Variants in TMC1 observed in about 807,000 individuals in gnomAD.
TMC1 encodes the protein transmembrane channel-like protein 1.
Under a neutral mutation model 105.8 loss-of-function variants are expected in TMC1, and 84 were observed. That is an observed-to-expected ratio of 0.79 (90% confidence interval 0.67 to 0.95). TMC1 has a LOEUF of 0.95. Among genes scored for constraint, TMC1 ranks in the 40% least tolerant of loss-of-function variants. TMC1 has a pLI of 0.00. For synonymous variants in TMC1, 315 were observed against 311.5 expected (o/e 1.01, Z -0.12); for missense variants, 817 against 914.1 (o/e 0.89, Z 1.37).
intron 3 of TMC1, among the ~76,000 whole-genome samples, chr9:72,627,338 G>C (rs1825365145): frequency 6.6e-6 from 1 of 152,122 alleles, no homozygotes; most frequent in Non-Finnish European, 1.5e-5. Context: ...GGAGGCTGGT[G>C]TGGGACCCTG....
At chr9:72,654,331 T>C (rs1293047312) in intron 5 of TMC1, among the ~76,000 whole-genome samples, 3 of 152,232 alleles carry the variant, frequency 2.0e-5, no homozygotes, top group Admixed American at 1.3e-4. Context: ...TGGTACTTCA[T>C]TGTAGTTTTA....
chr9:72,591,915 G>A (rs775611592), intron 2 of TMC1, among the ~76,000 whole-genome samples: 9 of 152,142 alleles, frequency 5.9e-5, no homozygotes, highest in Non-Finnish European at 1.3e-4. Context: ...TTAGTAGGTC[G>A]TGGATGGGGC....
chr9:72,672,647 T>C lies in TMC1; in HGVS notation c.17-16062T>C, dbSNP rs551720150. Among the ~76,000 whole-genome samples, 67 of 152,252 alleles carry C rather than the reference T, an allele frequency of 4.4e-4. 1 individual carries two copies. Among genetic ancestry groups the C allele is most frequent in the Middle Eastern group, 3.4e-3 (1 of 294 alleles). On this transcript the variant is annotated intron_variant, in intron 5 of 23. Coordinates refer to ENST00000297784, the MANE Select transcript of TMC1 (RefSeq NM_138691.3). ...AATTAGTCAGATTTCAGGACCTTTTTCTGAATAATTGATAGAATAAACAGA... is the reference window on the plus strand; with the variant it reads ...AATTAGTCAGATTTCAGGACCTTTTCCTGAATAATTGATAGAATAAACAGA...
At chr9:72,593,658 C>T (rs970928326) in intron 2 of TMC1, among the ~76,000 whole-genome samples, 1 of 151,550 alleles carries the variant, frequency 6.6e-6, no homozygotes, top group Non-Finnish European at 1.5e-5. Context: ...TCCCAAAGTG[C>T]TGGGATTACA....
At position 72,640,606 on chromosome 9, in the gene TMC1, A is replaced by C. The variant is rs1367922055; in HGVS notation, c.-52-7991A>C. Among the ~76,000 whole-genome samples, 3 of 151,492 alleles carry C rather than the reference A, an allele frequency of 2.0e-5. No individual in the cohort carries two copies. In the East Asian group the frequency reaches 5.8e-4, roughly 29 times the overall value. On this transcript the variant is annotated intron_variant, in intron 4 of 23. Transcript: ENST00000297784. ...TACCCTTTATCTCAAAATGGTTTTT[A>C]CTTGGGATTTGTTTTTTTGTTTTTT... is the stretch of plus-strand genomic sequence containing the variant.
At chr9:72,553,705 A>G (rs557426672) in intron 1 of TMC1, among the ~76,000 whole-genome samples, 2 of 152,336 alleles carry the variant, frequency 1.3e-5, no homozygotes, top group African/African-American at 4.8e-5. Flanking sequence ...AAATCAATGT[A>G]TAAAAACTAC....
chr9:72,574,404 T>C (rs539056329), intron 1 of TMC1, among the ~76,000 whole-genome samples: 3 of 152,022 alleles, frequency 2.0e-5, no homozygotes, highest in East Asian at 3.9e-4. Flanking sequence ...GAAACAGATA[T>C]GGTGCTATCA....
At chr9:72,665,166 G>A (rs1330341851) in intron 5 of TMC1, among the ~76,000 whole-genome samples, 1 of 152,192 alleles carries the variant, frequency 6.6e-6, no homozygotes, top group Non-Finnish European at 1.5e-5. Context: ...CTTTGTGTAT[G>A]TGGTCTGTCA....
intron 23 of TMC1, among the ~76,000 whole-genome samples, chr9:72,833,675 A>C (rs1829076892): frequency 6.6e-6 from 1 of 151,786 alleles, no homozygotes; most frequent in Non-Finnish European, 1.5e-5. Flanking sequence ...CTCCCTTTTG[A>C]CTGATAGTTT....
intron 8 of TMC1, among the ~76,000 whole-genome samples, chr9:72,718,079 TC>T (rs1826953548): frequency 6.6e-6 from 1 of 152,142 alleles, no homozygotes; most frequent in African/African-American, 2.4e-5. Context: ...GCTATCTATT[TC>T]ACTGAAGATT....
intron 1 of TMC1, among the ~76,000 whole-genome samples, chr9:72,562,323 T>C (rs1384586231): frequency 2.0e-5 from 3 of 152,232 alleles, no homozygotes; most frequent in Admixed American, 6.5e-5. Flanking sequence ...AAACATCCTA[T>C]GCTCAGTTAT....
At chr9:72,548,213 A>G (rs1823803485) in intron 1 of TMC1, among the ~76,000 whole-genome samples, 1 of 152,210 alleles carries the variant, frequency 6.6e-6, no homozygotes. Context: ...TACATGTAGA[A>G]TACAGTATTT....
chr9:72,646,044 T>G (rs1249587982), intron 4 of TMC1, among the ~76,000 whole-genome samples: 1 of 152,224 alleles, frequency 6.6e-6, no homozygotes, highest in African/African-American at 2.4e-5. Flanking sequence ...TATATAAATT[T>G]TTGGAATCAG....
chr9:72,836,359 C>T lies in TMC1; in HGVS notation c.*386C>T, dbSNP rs1588109328. ...TTATATGTTTCTTTTGCCTGAGTTT[C>T]CTTAAACTGAGAGCAGAAATATTTC... On this transcript the variant is annotated 3_prime_UTR_variant, in exon 24 of 24. Transcript: ENST00000297784. 2 of 204,484 alleles carry T rather than the reference C, an allele frequency of 9.8e-6. No homozygotes were observed. Among genetic ancestry groups the T allele is most frequent in the East Asian group, 2.2e-4 (2 of 8,904 alleles). The allele number at this position is 204,484 out of a possible 1,614,324, so 12.7% of individuals were successfully genotyped here. A position where few individuals can be genotyped will look rare whatever the true frequency, so the allele number is the denominator to read the frequency against.
chr9:72,702,542 G>A (rs180721301), intron 8 of TMC1, among the ~76,000 whole-genome samples: 33 of 152,180 alleles, frequency 2.2e-4, no homozygotes, highest in Admixed American at 2.2e-3. Flanking sequence ...CTAAGTTGTA[G>A]TTATTACTTC....
intron 1 of TMC1, among the ~76,000 whole-genome samples, chr9:72,525,987 C>CA (rs36080162): frequency 0.44 from 60,394 of 137,080 alleles, 12,676 homozygotes; most frequent in African/African-American, 0.52. Flanking sequence ...GACTCCGTCT[C>CA]AAAAAAAAAA....
chr9:72,521,989 G>A (rs909574301), intron 1 of TMC1, 76 bp downstream of exon 1: 3 of 152,084 alleles, frequency 2.0e-5, no homozygotes, highest in South Asian at 4.1e-4. Context: ...GACCTAAATC[G>A]AAGACTTTCT....
intron 19 of TMC1, chr9:72,818,805 C>T (rs1375310625): frequency 6.6e-6 from 1 of 152,126 alleles, no homozygotes; most frequent in African/African-American, 2.4e-5. Flanking sequence ...ATAGGATGAG[C>T]ATTAACATTC....
At chr9:72,533,393 A>G (rs939244621) in intron 1 of TMC1, among the ~76,000 whole-genome samples, 1 of 152,190 alleles carries the variant, frequency 6.6e-6, no homozygotes, top group Non-Finnish European at 1.5e-5. Flanking sequence ...TGACCCAGCA[A>G]TCCACTGGTG....
Sources: gnomAD v4.1 joint callset for allele counts (sites outside exome capture counted in the v4.1 genomes callset) on GRCh38, gnomAD v4.1.1 for gene constraint, MANE v1.5 for transcripts, NCBI Gene and HGNC (gene_info 2026-07-23, HGNC 2026-07-21) for gene names.